The following CCDC60 variants were observed in gnomAD, a reference collection of about 807,000 sequenced individuals.
The protein encoded by CCDC60 is coiled-coil domain-containing protein 60.
Under a neutral mutation model 63.5 loss-of-function variants are expected in CCDC60, and 54 were observed. That is an observed-to-expected ratio of 0.85 (90% confidence interval 0.68 to 1.07). The LOEUF (loss-of-function observed/expected upper bound fraction) is 1.07. CCDC60 is among the 50% of genes least tolerant of loss of function. The pLI is 0.00. For synonymous variants in CCDC60, 206 were observed against 238.8 expected, an observed-to-expected ratio of 0.86 and a Z score of 1.27; for missense variants, 651 against 684.3, an observed-to-expected ratio of 0.95 and a Z score of 0.54.
At chr12:119,377,210 G>T (rs1593002154) in intron 1 of CCDC60, among the ~76,000 whole-genome samples, 4 of 133,938 alleles carry the variant, frequency 3.0e-5, no homozygotes. Context: ...AGCTGAGATC[G>T]TGCAACTGCA....
At chr12:119,514,478 C>G (rs1014865581) in intron 7 of CCDC60, among the ~76,000 whole-genome samples, 3 of 151,632 alleles carry the variant, frequency 2.0e-5, no homozygotes, top group Non-Finnish European at 4.4e-5. Flanking sequence ...CATGAGCCAC[C>G]GCATCTGCCC....
At chr12:119,495,828 C>G (rs904815861) in intron 5 of CCDC60, among the ~76,000 whole-genome samples, 16 of 152,218 alleles carry the variant, frequency 1.1e-4, no homozygotes, top group African/African-American at 3.9e-4. Context: ...AGGGAAGCAA[C>G]AGATGATAAA....
At chr12:119,437,000 G>A (rs1467401969) in intron 2 of CCDC60, among the ~76,000 whole-genome samples, 3 of 152,130 alleles carry the variant, frequency 2.0e-5, no homozygotes, top group African/African-American at 4.8e-5. Flanking sequence ...CACCTCTCCA[G>A]TAGGCTAGTT....
At chr12:119,426,004 T>C (rs1351365484) in intron 1 of CCDC60, among the ~76,000 whole-genome samples, 1 of 152,196 alleles carries the variant, frequency 6.6e-6, no homozygotes, top group Non-Finnish European at 1.5e-5. Context: ...ATGTTGTATG[T>C]GTGAGACAAA....
intron 9 of CCDC60, among the ~76,000 whole-genome samples, chr12:119,522,339 G>T (rs561997761): frequency 1.3e-5 from 2 of 152,314 alleles, no homozygotes; most frequent in East Asian, 3.9e-4. Context: ...AGAGTCACAG[G>T]AGGGGGTATC....
Position 119,505,062 on chromosome 12 carries a change from C to A in CCDC60, c.649-7C>A, listed in dbSNP as rs1238802425. 1 of 1,592,406 alleles carries A rather than the reference C, an allele frequency of 6.3e-7. No homozygotes were observed. ...CCTGAAACCTCTCTTTCTTCTCTTT[C>A]CTTTAGACCAAGAAATTCAAAATTC... On this transcript the variant is annotated splice_polypyrimidine_tract_variant and splice_region_variant and intron_variant, in intron 6 of 13. Coordinates refer to ENST00000327554, the MANE Select transcript of CCDC60 (RefSeq NM_178499.5).
chr12:119,539,948 C>T (rs745592394), intron 13 of CCDC60, among the ~76,000 whole-genome samples: 63 of 152,296 alleles, frequency 4.1e-4, no homozygotes, highest in Middle Eastern at 3.4e-3. Context: ...AATTATCTGA[C>T]CCCTTGTGCT....
chr12:119,468,491 G>A (rs1173371559), intron 2 of CCDC60, among the ~76,000 whole-genome samples: 2 of 152,128 alleles, frequency 1.3e-5, no homozygotes, highest in Non-Finnish European at 2.9e-5. Context: ...GACTGTCTGG[G>A]ATGGATATAT....
At chr12:119,470,379 G>T (rs966756565) in intron 2 of CCDC60, among the ~76,000 whole-genome samples, 1 of 152,194 alleles carries the variant, frequency 6.6e-6, no homozygotes, top group Non-Finnish European at 1.5e-5. Context: ...CCCTGAACTG[G>T]TCCCTGGAAT....
chr12:119,336,788 T>A (rs1004394943), intron 1 of CCDC60, among the ~76,000 whole-genome samples: 20 of 152,230 alleles, frequency 1.3e-4, no homozygotes, highest in African/African-American at 4.8e-4. Context: ...TTATGGGACA[T>A]GAAACAGTGT....
At position 119,456,044 on chromosome 12, in the gene CCDC60, A is replaced by AAAGT. The variant is rs1950738071; in HGVS notation, c.171-15947_171-15946insTAAG. 7.4e-6 allele frequency among the ~76,000 whole-genome samples: 1 copy of AAAGT among 135,374 alleles called. No individual in the cohort carries two copies. Among genetic ancestry groups the AAAGT allele is most frequent in the African/African-American group, 2.6e-5 (1 of 38,532 alleles). 88.8% of individuals were successfully genotyped at this position (135,374 alleles called of 152,430 possible). A position where few individuals can be genotyped will look rare whatever the true frequency, so the allele number is the denominator to read the frequency against. On this transcript the variant is annotated intron_variant, in intron 2 of 13. Transcript: ENST00000327554. This position sits in a 1 kb window ranked among gnomAD's most constrained non-coding sequence, Gnocchi z 4.6. ...GAAAGAAAGAAAGAAAGAAAGAAAG[A>AAAGT]AAGAAAGAAAGAAAGAAAGCAAGCA...
In CCDC60 at chr12:119,485,675, C is replaced by A. The variant is rs147544269; in HGVS notation, c.450-3084C>A. On this transcript the variant is annotated intron_variant, in intron 4 of 13. Coordinates refer to ENST00000327554, the MANE Select transcript of CCDC60 (RefSeq NM_178499.5). ...ACACCAGTCAGATTAGATTAGGGAC[C>A]ACCCTAATGGCTTCATTTATAAGTG... Among the ~76,000 whole-genome samples, 39 of 152,214 alleles carry A rather than the reference C, an allele frequency of 2.6e-4. No homozygotes were observed. In the East Asian group the frequency reaches 6.0e-3, roughly 23 times the overall value.
intron 3 of CCDC60, among the ~76,000 whole-genome samples, chr12:119,478,502 C>G (rs1263219927): frequency 6.6e-6 from 1 of 151,596 alleles, no homozygotes; most frequent in Non-Finnish European, 1.5e-5. Context: ...GCCCTTGAAG[C>G]AAACATTTCC....
At chr12:119,510,762 G>A (rs377130832) in intron 7 of CCDC60, among the ~76,000 whole-genome samples, 32 of 152,044 alleles carry the variant, frequency 2.1e-4, no homozygotes, top group African/African-American at 6.5e-4. Context: ...AACTCCAGCC[G>A]TCACACTCAC....
chr12:119,452,361 A>G (rs1048536517), intron 2 of CCDC60, among the ~76,000 whole-genome samples: 1 of 152,064 alleles, frequency 6.6e-6, no homozygotes, highest in Non-Finnish European at 1.5e-5. Context: ...TTTTGCATCT[A>G]TTTTCTGATT....
intron 2 of CCDC60, among the ~76,000 whole-genome samples, chr12:119,441,332 C>T (rs1482398977): frequency 6.6e-6 from 1 of 152,186 alleles, no homozygotes; most frequent in East Asian, 1.9e-4. Flanking sequence ...CACGGTAAAG[C>T]ACCAGTTCAC....
chr12:119,406,751 A>C (rs910214983), intron 1 of CCDC60, among the ~76,000 whole-genome samples: 9 of 151,884 alleles, frequency 5.9e-5, no homozygotes, highest in Non-Finnish European at 2.9e-5. Flanking sequence ...AATATAAGCC[A>C]AGTCTTGGTG....
intron 1 of CCDC60, among the ~76,000 whole-genome samples, chr12:119,419,158 C>G (rs901594156): frequency 1.3e-5 from 2 of 152,230 alleles, no homozygotes; most frequent in Non-Finnish European, 2.9e-5. Context: ...CTAGGGCTCC[C>G]CTGCCAAATC....
intron 6 of CCDC60, among the ~76,000 whole-genome samples, chr12:119,500,805 G>A (rs1234120662): frequency 6.6e-6 from 1 of 152,164 alleles, no homozygotes; most frequent in Admixed American, 6.5e-5. Context: ...AGTGAGCTAT[G>A]ATCCCACCAC....
Sources: allele counts gnomAD v4.1 joint callset (sites outside exome capture counted in the v4.1 genomes callset), GRCh38; gene constraint gnomAD v4.1.1; non-coding constraint Gnocchi (gnomAD v3.1); transcripts MANE v1.5; gene names NCBI Gene and HGNC (gene_info 2026-07-23, HGNC 2026-07-21).